The following PTPRD variants were observed in gnomAD, a reference collection of about 807,000 sequenced individuals.
PTPRD encodes the protein receptor-type tyrosine-protein phosphatase delta.
PTPRD carries 34 observed loss-of-function variants against 214.5 expected under a neutral mutation model. The ratio of observed to expected loss-of-function variants is 0.16; its 90% confidence interval spans 0.12 to 0.21. The LOEUF is 0.21. Ranked by LOEUF, PTPRD falls within the 10% of genes least tolerant of loss-of-function variation. PTPRD has a pLI of 1.00. For missense variants in PTPRD, 2,545 were observed against 2,398.7 expected (o/e 1.06, Z -1.27); for synonymous variants, 1,128 against 845.7 (o/e 1.33, Z -5.79).
At chr9:9,756,189 G>A (rs1200188553) in intron 6 of PTPRD, among the ~76,000 whole-genome samples, 1 of 152,034 alleles carries the variant, frequency 6.6e-6, no homozygotes, top group South Asian at 2.1e-4. Flanking sequence ...CGACAGAGAT[G>A]AACATAAATT....
chr9:9,725,404 C>T (rs543545854), intron 7 of PTPRD, among the ~76,000 whole-genome samples: 4 of 151,988 alleles, frequency 2.6e-5, no homozygotes, highest in Non-Finnish European at 5.9e-5. Context: ...TCCCCAGCTA[C>T]GTGGAACCAT....
chr9:9,524,486 C>T (rs889570619), intron 8 of PTPRD, among the ~76,000 whole-genome samples: 1 of 152,150 alleles, frequency 6.6e-6, no homozygotes, highest in African/African-American at 2.4e-5. Context: ...TGTACTCTAT[C>T]ATTTAAACTG....
At position 10,597,058 on chromosome 9, in the gene PTPRD, G is replaced by C. The variant is rs538550533; in HGVS notation, c.-600+15340C>G. Among the ~76,000 whole-genome samples, 6 of 149,352 alleles carry C rather than the reference G, an allele frequency of 4.0e-5. No homozygotes were observed. In the East Asian group the frequency reaches 9.9e-4, roughly 25 times the overall value. ...AGGGTCCTATCTAGGTTATAGTCTT[G>C]GATTTATTTTCCATATATATATATA... On this transcript the variant is annotated intron_variant, in intron 2 of 45. Coordinates refer to ENST00000381196, the MANE Select transcript of PTPRD (RefSeq NM_002839.4).
intron 9 of PTPRD, among the ~76,000 whole-genome samples, chr9:9,379,231 T>G (rs973338140): frequency 7.1e-6 from 1 of 141,660 alleles, no homozygotes; most frequent in Non-Finnish European, 1.6e-5. Flanking sequence ...TGATATATTT[T>G]ATATATATAT....
intron 42 of PTPRD, among the ~76,000 whole-genome samples, chr9:8,339,563 T>G (rs1850403243): frequency 6.6e-6 from 1 of 152,154 alleles, no homozygotes; most frequent in South Asian, 2.1e-4. Flanking sequence ...GGCTAAACCC[T>G]GCAGAGTCAT....
intron 3 of PTPRD, among the ~76,000 whole-genome samples, chr9:10,285,258 A>G (rs556918722): frequency 1.4e-5 from 2 of 144,894 alleles, no homozygotes; most frequent in Admixed American, 7.0e-5. Flanking sequence ...TAGCAAAGAG[A>G]CTACTTGTTT....
At chr9:10,380,572 T>C (rs145636547) in intron 2 of PTPRD, among the ~76,000 whole-genome samples, 347 of 152,164 alleles carry the variant, frequency 2.3e-3, no homozygotes, top group Non-Finnish European at 3.1e-3. Flanking sequence ...AGTGCCATCA[T>C]GTGTCCCACA....
rs114157597 is a variant in PTPRD, at chr9:9,626,326, G to C, written c.-286-51545C>G. 5.8e-3 allele frequency among the ~76,000 whole-genome samples: 881 copies of C among 152,224 alleles called. 4 individuals carry two copies. The highest frequency in any genetic ancestry group is 0.02 in the African/African-American group (827 of 41,520). ...ATGACGCTTGCAAAGTGGACTAAAA[G>C]CTAAGGCTCTGTCTGATTTTATACC... On this transcript the variant is annotated intron_variant, in intron 7 of 45. Transcript: ENST00000381196.
intron 4 of PTPRD, among the ~76,000 whole-genome samples, chr9:10,008,504 G>A (rs1286105393): frequency 6.6e-6 from 1 of 151,956 alleles, no homozygotes; most frequent in Non-Finnish European, 1.5e-5. Context: ...GTGAACATGG[G>A]ATATATGTAA....
At chr9:9,659,904 G>C (rs1353267536) in intron 7 of PTPRD, among the ~76,000 whole-genome samples, 2 of 151,970 alleles carry the variant, frequency 1.3e-5, no homozygotes, top group African/African-American at 4.8e-5. Context: ...TTCAAGGTGA[G>C]GAAGCAACTT....
In PTPRD at chr9:9,475,608, A is replaced by T. The variant is rs142773923; in HGVS notation, c.-236-78126T>A. ...CCTTGCTCTTCTCTGTGTTGGATTC[A>T]TGCTCAGACAGTGTCTTACGAAATG... On this transcript the variant is annotated intron_variant, in intron 8 of 45. Transcript: ENST00000381196. 6.4e-3 allele frequency among the ~76,000 whole-genome samples: 976 copies of T among 152,272 alleles called. 4 individuals carry two copies. Among genetic ancestry groups the T allele is most frequent in the African/African-American group, 0.023 (944 of 41,554 alleles).
At chr9:10,507,893 G>A (rs920186026) in intron 2 of PTPRD, among the ~76,000 whole-genome samples, 10 of 152,072 alleles carry the variant, frequency 6.6e-5, no homozygotes, top group Non-Finnish European at 2.9e-5. Flanking sequence ...GCATGGGCAA[G>A]GACTTCATGT....
At chr9:8,946,948 A>G (rs1588620405) in intron 11 of PTPRD, among the ~76,000 whole-genome samples, 1 of 144,184 alleles carries the variant, frequency 6.9e-6, no homozygotes, top group Non-Finnish European at 1.5e-5. Flanking sequence ...CTGCCTCTGC[A>G]TCTCTCTTCC....
intron 5 of PTPRD, among the ~76,000 whole-genome samples, chr9:9,798,594 T>C (rs1275913955): frequency 6.6e-6 from 1 of 152,240 alleles, no homozygotes; most frequent in Non-Finnish European, 1.5e-5. Flanking sequence ...CTGCTTCTGC[T>C]ATTTTTCTCA....
intron 11 of PTPRD, among the ~76,000 whole-genome samples, chr9:9,009,499 T>A (rs2099498992): frequency 6.6e-6 from 1 of 151,966 alleles, no homozygotes; most frequent in Non-Finnish European, 1.5e-5. Flanking sequence ...GCCATAGGGG[T>A]TTTCAGCAGT....
At chr9:8,372,462 T>G (rs2081856067) in intron 39 of PTPRD, among the ~76,000 whole-genome samples, 1 of 152,038 alleles carries the variant, frequency 6.6e-6, no homozygotes, top group African/African-American at 2.4e-5. Context: ...CGTTATCCCA[T>G]TTTACAGGTG....
chr9:9,873,022 A>T (rs1272072883), intron 5 of PTPRD, among the ~76,000 whole-genome samples: 1 of 152,186 alleles, frequency 6.6e-6, no homozygotes, highest in Non-Finnish European at 1.5e-5. Context: ...CTATTTTGAT[A>T]ATCCTTTTTA....
chr9:9,769,695 G>A (rs1407883446), intron 5 of PTPRD, among the ~76,000 whole-genome samples: 1 of 152,008 alleles, frequency 6.6e-6, no homozygotes, highest in Non-Finnish European at 1.5e-5. Flanking sequence ...GTGCCATGGT[G>A]GTTTGCTGCA....
At chr9:9,005,465 T>C (rs1480744451) in intron 11 of PTPRD, among the ~76,000 whole-genome samples, 2 of 152,032 alleles carry the variant, frequency 1.3e-5, no homozygotes, top group Non-Finnish European at 2.9e-5. Flanking sequence ...CATCATGAAA[T>C]AATTGATGTG....
Sources: allele counts gnomAD v4.1 joint callset (sites outside exome capture counted in the v4.1 genomes callset), GRCh38; gene constraint gnomAD v4.1.1; transcripts MANE v1.5; gene names NCBI Gene and HGNC (gene_info 2026-07-23, HGNC 2026-07-21).